Variants in ZNF385D observed in about 807,000 individuals in gnomAD.
The protein encoded by ZNF385D is zinc finger protein 385D.
ZNF385D carries 15 observed loss-of-function variants against 35.8 expected under a neutral mutation model. That is an observed-to-expected ratio of 0.42 (90% CI 0.28 to 0.64). ZNF385D has a LOEUF of 0.64. ZNF385D is among the 30% of genes least tolerant of loss of function. The probability of loss-of-function intolerance (pLI) is 0.23; values close to 1 mark genes in which losing one functional copy is unlikely to be tolerated. For missense variants in ZNF385D, 474 were observed against 494.6 expected (o/e 0.96, Z 0.39); for synonymous variants, 212 against 186.8 (o/e 1.13, Z -1.10).
intron 2 of ZNF385D, among the ~76,000 whole-genome samples, chr3:22,171,508 T>A (rs370633209): frequency 6.6e-6 from 1 of 152,022 alleles, no homozygotes; most frequent in Non-Finnish European, 1.5e-5. Context: ...TAAAAGGAAA[T>A]AGAAAATATG....
intron 2 of ZNF385D, among the ~76,000 whole-genome samples, chr3:22,285,875 A>G (rs1701997409): frequency 6.6e-6 from 1 of 152,172 alleles, no homozygotes; most frequent in Non-Finnish European, 1.5e-5. Flanking sequence ...TAATCCTTAA[A>G]AAGTATTTAC....
At chr3:21,436,787 A>G (rs988666583) in intron 5 of ZNF385D, 183 bp downstream of exon 5, 1 of 613,456 alleles carries the variant, frequency 1.6e-6, no homozygotes, top group Non-Finnish European at 2.8e-6. Flanking sequence ...CCTGGAAACC[A>G]CCCCTTGCCC....
At chr3:21,975,734 TATATATATATATATATATATAC>T (rs1482936430) in intron 3 of ZNF385D, among the ~76,000 whole-genome samples, 1 of 12,514 alleles carries the variant, frequency 8.0e-5, no homozygotes, top group Non-Finnish European at 1.6e-4. Flanking sequence ...TATATATATA[TATATATATATATATATATATAC>T]ACACACTATG....
chr3:21,904,743 T>A (rs1011362862), intron 3 of ZNF385D, among the ~76,000 whole-genome samples: 13 of 152,102 alleles, frequency 8.5e-5, no homozygotes, highest in African/African-American at 3.1e-4. Context: ...GATGCTAGAT[T>A]TAGGGAGAAA....
intron 3 of ZNF385D, among the ~76,000 whole-genome samples, chr3:21,805,558 C>A (rs1001814345): frequency 6.6e-6 from 1 of 152,186 alleles, no homozygotes; most frequent in Non-Finnish European, 1.5e-5. Context: ...AGAGATTTGG[C>A]TCTGACCATA....
intron 2 of ZNF385D, among the ~76,000 whole-genome samples, chr3:21,603,091 A>G (rs932622126): frequency 1.3e-5 from 2 of 152,222 alleles, no homozygotes; most frequent in African/African-American, 4.8e-5. Flanking sequence ...CATCAAGTTT[A>G]TTTACCAAAA....
At chr3:22,038,652 T>A (rs886459043) in intron 3 of ZNF385D, among the ~76,000 whole-genome samples, 1 of 152,076 alleles carries the variant, frequency 6.6e-6, no homozygotes, top group Non-Finnish European at 1.5e-5. Flanking sequence ...CTAGTGTAAT[T>A]TGGAAATTTA....
chr3:21,533,408 C>G (rs993174378), intron 3 of ZNF385D, among the ~76,000 whole-genome samples: 6 of 152,050 alleles, frequency 3.9e-5, no homozygotes, highest in Non-Finnish European at 7.4e-5. Flanking sequence ...AAGGCCAATT[C>G]TCTTTGAGAA....
chr3:21,934,941 T>C (rs1575953550), intron 3 of ZNF385D, among the ~76,000 whole-genome samples: 1 of 152,212 alleles, frequency 6.6e-6, no homozygotes, highest in South Asian at 2.1e-4. Flanking sequence ...ATATTAGCTA[T>C]GTCTTAGTTG....
At chr3:21,861,174 G>C (rs1235307095) in intron 3 of ZNF385D, among the ~76,000 whole-genome samples, 1 of 152,088 alleles carries the variant, frequency 6.6e-6, no homozygotes, top group Non-Finnish European at 1.5e-5. Flanking sequence ...CTTCAGCTTT[G>C]GTGTATCTGG....
chr3:21,988,911 G>A (rs993779320), intron 3 of ZNF385D, among the ~76,000 whole-genome samples: 1 of 152,178 alleles, frequency 6.6e-6, no homozygotes, highest in Non-Finnish European at 1.5e-5. Flanking sequence ...TGCAATATTC[G>A]GGTGGGAGTG....
At position 21,453,549 on chromosome 3, in the gene ZNF385D, C is replaced by T. The variant is rs367909462; in HGVS notation, c.440-16346G>A. ...AAAGACAACTCAATCAAAAAATGGG[C>T]AAAATATTTTAATAGACATTTCTTG... On this transcript the variant is annotated intron_variant, in intron 4 of 7. Transcript: ENST00000281523. Among the ~76,000 whole-genome samples the T allele has an allele frequency of 3.3e-5, 5 of 151,690 alleles. No homozygotes were observed. The East Asian group carries it at 5.8e-4, about 18-fold the overall frequency.
chr3:21,658,132 C>G (rs1401339721), intron 2 of ZNF385D, among the ~76,000 whole-genome samples: 2 of 152,032 alleles, frequency 1.3e-5, no homozygotes, highest in Non-Finnish European at 2.9e-5. Context: ...GTTAAGCATA[C>G]TTAATGCTGT....
At chr3:22,245,976 C>G (rs530649320) in intron 2 of ZNF385D, among the ~76,000 whole-genome samples, 2 of 152,110 alleles carry the variant, frequency 1.3e-5, no homozygotes, top group South Asian at 4.2e-4. Context: ...GAGCTCAGTC[C>G]CAACCAATCT....
chr3:21,921,372 C>T (rs952667693), intron 3 of ZNF385D, among the ~76,000 whole-genome samples: 5 of 152,018 alleles, frequency 3.3e-5, no homozygotes, highest in Non-Finnish European at 7.3e-5. Flanking sequence ...GAAATTGATG[C>T]TATTCTTAGA....
At chr3:21,652,237 TGCATCA>T (rs1398912589) in intron 2 of ZNF385D, among the ~76,000 whole-genome samples, 2 of 152,168 alleles carry the variant, frequency 1.3e-5, no homozygotes, top group Non-Finnish European at 2.9e-5. Flanking sequence ...CAAGAATCAA[TGCATCA>T]ACCTTTCTAC....
intron 2 of ZNF385D, among the ~76,000 whole-genome samples, chr3:22,284,442 G>A (rs537291508): frequency 1.1e-4 from 16 of 151,650 alleles, no homozygotes; most frequent in Admixed American, 3.3e-4. Context: ...TGCCTGCCTC[G>A]GCCTCCCAAA....
chr3:21,649,633 T>C (rs2065855382), intron 2 of ZNF385D, among the ~76,000 whole-genome samples: 1 of 152,184 alleles, frequency 6.6e-6, no homozygotes, highest in Non-Finnish European at 1.5e-5. Context: ...AAGTTTTAAA[T>C]AGCTCAAAGC....
intron 3 of ZNF385D, among the ~76,000 whole-genome samples, chr3:21,534,236 T>C (rs1418236191): frequency 6.6e-6 from 1 of 152,078 alleles, no homozygotes; most frequent in African/African-American, 2.4e-5. Flanking sequence ...GAGCAAATAG[T>C]AACCTGGAAA....
Sources: gnomAD v4.1 joint callset for allele counts (sites outside exome capture counted in the v4.1 genomes callset) on GRCh38, gnomAD v4.1.1 for gene constraint, MANE v1.5 for transcripts, NCBI Gene and HGNC (gene_info 2026-07-23, HGNC 2026-07-21) for gene names.